ANKMY2: variants seen among roughly 807,000 people sequenced by gnomAD.
ANKMY2 encodes the protein ankyrin repeat and MYND domain-containing protein 2.
Under a neutral mutation model 50.4 loss-of-function variants are expected in ANKMY2, and 36 were observed. That is an observed-to-expected ratio of 0.71 (90% CI 0.55 to 0.94). The LOEUF is 0.94. Ranked by LOEUF, ANKMY2 falls within the 40% of genes least tolerant of loss-of-function variation. ANKMY2 has a pLI of 0.00. For missense variants in ANKMY2, 565 were observed against 524.0 expected (o/e 1.08, Z -0.76); for synonymous variants, 187 against 178.8 (o/e 1.05, Z -0.36).
At chr7:16,641,461 C>T (rs906502578) in intron 1 of ANKMY2, among the ~76,000 whole-genome samples, 2 of 152,304 alleles carry the variant, frequency 1.3e-5, no homozygotes, top group African/African-American at 4.8e-5. Context: ...ATATAGGTTG[C>T]ATAACCTGTC....
chr7:16,628,648 T>C (rs1344086679), intron 2 of ANKMY2, among the ~76,000 whole-genome samples: 4 of 152,042 alleles, frequency 2.6e-5, no homozygotes, highest in Non-Finnish European at 5.9e-5. Context: ...TAAAGGATGA[T>C]AGAATCTGTC....
chr7:16,645,367 A>G, intron 1 of ANKMY2, 140 bp downstream of exon 1: 1 of 810,668 alleles, frequency 1.2e-6, no homozygotes, highest in Non-Finnish European at 1.9e-6. Context: ...GACCAAAGGG[A>G]GAAACGCTCT....
At chr7:16,609,352 A>G (rs1170150175) in intron 7 of ANKMY2, among the ~76,000 whole-genome samples, 2 of 152,134 alleles carry the variant, frequency 1.3e-5, no homozygotes, top group Non-Finnish European at 2.9e-5. Context: ...TACATAGTGG[A>G]TGTACTTAAA....
intron 8 of ANKMY2, among the ~76,000 whole-genome samples, chr7:16,602,820 T>C (rs517203): frequency 0.16 from 24,638 of 151,936 alleles, 2,181 homozygotes; most frequent in Admixed American, 0.3. Flanking sequence ...GATCTGGTTG[T>C]TCAAAAGTAT....
intron 4 of ANKMY2, among the ~76,000 whole-genome samples, chr7:16,623,626 A>G (rs1028211800): frequency 1.3e-5 from 2 of 152,188 alleles, no homozygotes; most frequent in African/African-American, 4.8e-5. Flanking sequence ...CCGTGATCCT[A>G]TAACTAATTA....
intron 7 of ANKMY2, among the ~76,000 whole-genome samples, chr7:16,607,692 A>C (rs1338360099): frequency 8.0e-6 from 1 of 124,766 alleles, no homozygotes; most frequent in African/African-American, 3.0e-5. Context: ...TTTTTTTTTT[A>C]AAGAACTCTG....
At chr7:16,634,315 C>T (rs954656010) in intron 2 of ANKMY2, among the ~76,000 whole-genome samples, 29 of 152,254 alleles carry the variant, frequency 1.9e-4, no homozygotes, top group African/African-American at 6.7e-4. Context: ...GGCAATAAAA[C>T]ACATGATCCC....
intron 5 of ANKMY2, among the ~76,000 whole-genome samples, chr7:16,611,946 C>G (rs983271920): frequency 6.6e-6 from 1 of 152,216 alleles, no homozygotes; most frequent in Non-Finnish European, 1.5e-5. Context: ...CCACCCTGCA[C>G]TGCGTCTCCT....
intron 4 of ANKMY2, among the ~76,000 whole-genome samples, chr7:16,617,646 T>A (rs1352268584): frequency 1.3e-5 from 2 of 152,068 alleles, no homozygotes; most frequent in Non-Finnish European, 2.9e-5. Flanking sequence ...GTGATCCTGG[T>A]TACTATTGAG....
In ANKMY2 at chr7:16,602,504, TA is replaced by T. The variant is rs1781088190; in HGVS notation, c.1016del (p.Ile339AsnfsTer22). 1 of 1,610,362 alleles carries T rather than the reference TA, an allele frequency of 6.2e-7. No individual in the cohort carries two copies. Among genetic ancestry groups the T allele is most frequent in the Non-Finnish European group, 8.5e-7 (1 of 1,179,210 alleles). On this transcript the variant is annotated frameshift_variant, in exon 9 of 10. Transcript: ENST00000306999. LOFTEE classifies it high-confidence loss of function. Reference sequence around the variant, plus strand: ...TTTTCTGGCAGGTTTGATCACAATATATTACCTGAAAGCAATTGTTGGTTTA... The same window carrying T: ...TTTTCTGGCAGGTTTGATCACAATATTTACCTGAAAGCAATTGTTGGTTTA... Reference protein sequence around the residue: ...SKRCSVCKMVIYCDQTCQKTH... With the variant: ...SKRCSVCKMVXYCDQTCQKTH...
intron 5 of ANKMY2, among the ~76,000 whole-genome samples, chr7:16,613,580 T>C (rs1388058533): frequency 1.3e-5 from 2 of 152,222 alleles, no homozygotes; most frequent in African/African-American, 4.8e-5. Flanking sequence ...TATTTCAGAC[T>C]ATATACCTTT....
At chr7:16,616,143 G>T (rs1781344607) in intron 4 of ANKMY2, among the ~76,000 whole-genome samples, 1 of 152,080 alleles carries the variant, frequency 6.6e-6, no homozygotes, top group Non-Finnish European at 1.5e-5. Context: ...TACATACGAA[G>T]ATTATGTGGA....
At chr7:16,625,979 CTTTTTT>C (rs536879249) in intron 3 of ANKMY2, among the ~76,000 whole-genome samples, 5 of 103,136 alleles carry the variant, frequency 4.8e-5, no homozygotes, top group African/African-American at 3.7e-5. Context: ...TATAAGAAGT[CTTTTTT>C]TTTTTTTTTT....
At chr7:16,624,895 T>C in intron 4 of ANKMY2, 88 bp downstream of exon 4, 6 of 1,115,468 alleles carry the variant, frequency 5.4e-6, no homozygotes, top group Middle Eastern at 4.1e-4. Context: ...AACATGATAA[T>C]ATTTTCACCA....
In ANKMY2 at chr7:16,615,982, C is replaced by T. The variant is rs971314323; in HGVS notation, c.371-78G>A. 5.7e-6 allele frequency: 8 copies of T among 1,393,458 alleles called. 1 individual carries two copies. In the African/African-American group the frequency reaches 7.3e-5, roughly 13 times the overall value. The allele number at this position is 1,393,458 out of a possible 1,614,324, so 86.3% of individuals were successfully genotyped here. On this transcript the variant is annotated intron_variant, in intron 4 of 9. Coordinates refer to ENST00000306999, the MANE Select transcript of ANKMY2 (RefSeq NM_020319.3). ...CTGGTTTTTAAAATTAATTATGTTG[C>T]TATTTTTGTGATGTAAACATGCACC...
At chr7:16,602,623 A>G in intron 8 of ANKMY2, 114 bp from the exon 9 acceptor site, 1 of 1,317,380 alleles carries the variant, frequency 7.6e-7, no homozygotes, top group South Asian at 1.5e-5. Flanking sequence ...ACTTTATTTT[A>G]AAACCATAAT....
chr7:16,634,877 A>G (rs1781634307), intron 2 of ANKMY2, among the ~76,000 whole-genome samples: 1 of 152,236 alleles, frequency 6.6e-6, no homozygotes, highest in Non-Finnish European at 1.5e-5. Context: ...GTTCATGAAA[A>G]AAAGCTCAGG....
chr7:16,624,766 C>A (rs1781487129), intron 4 of ANKMY2, among the ~76,000 whole-genome samples: 1 of 152,040 alleles, frequency 6.6e-6, no homozygotes, highest in South Asian at 2.1e-4. Context: ...ATTACAATGG[C>A]CCCACTACTC....
intron 4 of ANKMY2, 77 bp downstream of exon 4, chr7:16,624,906 T>A: frequency 1.6e-6 from 2 of 1,242,280 alleles, no homozygotes; most frequent in Non-Finnish European, 2.3e-6. Flanking sequence ...ATTTTCACCA[T>A]GAGAAGCAAA....
Sources: gnomAD v4.1 joint callset for allele counts (sites outside exome capture counted in the v4.1 genomes callset) on GRCh38, gnomAD v4.1.1 for gene constraint, MANE v1.5 for transcripts, NCBI Gene and HGNC (gene_info 2026-07-23, HGNC 2026-07-21) for gene names.